Variants in SUMF1 observed in about 807,000 individuals in gnomAD.
The protein encoded by SUMF1 is sulfatase modifying factor 1.
Under a neutral mutation model 47.6 loss-of-function variants are expected in SUMF1, and 48 were observed. The observed-to-expected ratio is 1.01, with a 90% CI of 0.80 to 1.28. The LOEUF (loss-of-function observed/expected upper bound fraction) is 1.28. Ranked by LOEUF, SUMF1 falls within the 50% of genes most tolerant of loss-of-function variation. SUMF1 has a pLI of 0.00. For synonymous variants in SUMF1, 230 were observed against 192.1 expected, an observed-to-expected ratio of 1.20 and a Z score of -1.63; for missense variants, 571 against 485.4, an observed-to-expected ratio of 1.18 and a Z score of -1.66.
intron 8 of SUMF1, among the ~76,000 whole-genome samples, chr3:4,307,402 A>G (rs567268665): frequency 6.6e-6 from 1 of 152,150 alleles, no homozygotes; most frequent in African/African-American, 2.4e-5. Context: ...TGAGACACGT[A>G]TCTGTTAGAA....
intron 3 of SUMF1, among the ~76,000 whole-genome samples, chr3:4,426,080 C>T: frequency 6.6e-6 from 1 of 152,172 alleles, no homozygotes; most frequent in East Asian, 1.9e-4. Flanking sequence ...AGCTACAATT[C>T]ATTCAAGATG....
chr3:4,293,519 G>A (rs1323967510), intron 8 of SUMF1, among the ~76,000 whole-genome samples: 4 of 152,040 alleles, frequency 2.6e-5, no homozygotes, highest in South Asian at 2.1e-4. Context: ...TTATTTCCTC[G>A]GCATTTTTAT....
At chr3:4,113,869 T>C (rs1051564717) in intron 8 of SUMF1, among the ~76,000 whole-genome samples, 1 of 152,036 alleles carries the variant, frequency 6.6e-6, no homozygotes, top group Non-Finnish European at 1.5e-5. Context: ...CCTCAAAAGG[T>C]AGAATAATAT....
intron 8 of SUMF1, among the ~76,000 whole-genome samples, chr3:4,105,524 A>G (rs911442166): frequency 2.0e-5 from 3 of 152,066 alleles, no homozygotes; most frequent in Non-Finnish European, 4.4e-5. Context: ...GAAATACTGA[A>G]AAGAGGTAAG....
downstream of SUMF1, among the ~76,000 whole-genome samples, chr3:4,356,188 A>G (rs1699613537): frequency 6.6e-6 from 1 of 152,256 alleles, no homozygotes. Context: ...TTTCACTAAT[A>G]GCACAACTGA....
chr3:4,135,729 T>C (rs557565864), intron 8 of SUMF1, among the ~76,000 whole-genome samples: 1 of 152,258 alleles, frequency 6.6e-6, no homozygotes, highest in South Asian at 2.1e-4. Flanking sequence ...GAAAACCCCA[T>C]CATCTCAGCC....
intron 8 of SUMF1, among the ~76,000 whole-genome samples, chr3:4,169,390 T>G (rs2125121936): frequency 6.6e-6 from 1 of 151,996 alleles, no homozygotes; most frequent in Non-Finnish European, 1.5e-5. Context: ...AAGGGGAAAT[T>G]TGGACACAAA....
intron 3 of SUMF1, among the ~76,000 whole-genome samples, chr3:4,422,888 G>A (rs1701947590): frequency 6.6e-6 from 1 of 152,012 alleles, no homozygotes; most frequent in Non-Finnish European, 1.5e-5. Flanking sequence ...GTGAGATTTT[G>A]GTGCACCCAT....
chr3:4,404,336 C>A (rs9847665), intron 7 of SUMF1, among the ~76,000 whole-genome samples: 4,145 of 152,304 alleles, frequency 0.027, 87 homozygotes, highest in African/African-American at 0.058. Flanking sequence ...CTCTGTATAA[C>A]TTGTAGCTGT....
intron 8 of SUMF1, among the ~76,000 whole-genome samples, chr3:4,155,435 T>A (rs1331787668): frequency 6.6e-6 from 1 of 151,510 alleles, no homozygotes; most frequent in Non-Finnish European, 1.5e-5. Flanking sequence ...CATGCGATGT[T>A]CTCATGTCAA....
intron 7 of SUMF1, among the ~76,000 whole-genome samples, chr3:4,385,943 A>G (rs1215927526): frequency 3.3e-5 from 5 of 152,186 alleles, no homozygotes; most frequent in Non-Finnish European, 7.4e-5. Flanking sequence ...GGCATCATAT[A>G]TGTGTGGGCC....
At chr3:4,300,133 G>C (rs142573171) in intron 8 of SUMF1, among the ~76,000 whole-genome samples, 3 of 152,114 alleles carry the variant, frequency 2.0e-5, no homozygotes, top group African/African-American at 7.2e-5. Context: ...CCATCCCCTC[G>C]GTGCTGTCAT....
intron 8 of SUMF1, among the ~76,000 whole-genome samples, chr3:4,153,104 T>A (rs1028807468): frequency 4.0e-5 from 6 of 151,552 alleles, no homozygotes; most frequent in Non-Finnish European, 8.8e-5. Context: ...CCTCAAAAAG[T>A]TTAATGGATA....
intron 8 of SUMF1, among the ~76,000 whole-genome samples, chr3:4,133,801 C>T (rs1559498670): frequency 1.3e-5 from 2 of 152,040 alleles, no homozygotes; most frequent in Non-Finnish European, 2.9e-5. Context: ...ATAAACTCCC[C>T]TTTATATATG....
chr3:4,183,724 A>G (rs1695142796), intron 8 of SUMF1, among the ~76,000 whole-genome samples: 1 of 152,178 alleles, frequency 6.6e-6, no homozygotes, highest in Non-Finnish European at 1.5e-5. Context: ...TATCTACTTT[A>G]AGCCTGCCTA....
At chr3:4,385,444 A>AAT (rs1700641430) in intron 7 of SUMF1, among the ~76,000 whole-genome samples, 1 of 151,862 alleles carries the variant, frequency 6.6e-6, no homozygotes, top group Non-Finnish European at 1.5e-5. Flanking sequence ...GTGTCTCTTC[A>AAT]TGTCTTCTGC....
At chr3:4,104,666 T>TTC (rs111963235) in intron 8 of SUMF1, among the ~76,000 whole-genome samples, 2,686 of 146,824 alleles carry the variant, frequency 0.018, 46 homozygotes, top group African/African-American at 0.042. Flanking sequence ...AAATCTCGAT[T>TTC]TCTCTCTCTC....
At chr3:4,034,920 G>C (rs887930250) in intron 9 of SUMF1, among the ~76,000 whole-genome samples, 1 of 151,788 alleles carries the variant, frequency 6.6e-6, no homozygotes, top group Non-Finnish European at 1.5e-5. Flanking sequence ...TACGGTGTAA[G>C]ATTGGGGAAT....
intron 8 of SUMF1, among the ~76,000 whole-genome samples, chr3:4,306,529 C>T (rs954402051): frequency 3.3e-5 from 5 of 152,180 alleles, no homozygotes; most frequent in African/African-American, 1.2e-4. Flanking sequence ...TGTATATGCA[C>T]AGCTCCCAAT....
Sources: allele counts gnomAD v4.1 joint callset (sites outside exome capture counted in the v4.1 genomes callset), GRCh38; gene constraint gnomAD v4.1.1; transcripts MANE v1.5; gene names NCBI Gene and HGNC (gene_info 2026-07-23, HGNC 2026-07-21).